CDC42BPA: variants seen among roughly 807,000 people sequenced by gnomAD.
CDC42BPA encodes serine/threonine-protein kinase MRCK alpha.
Under a neutral mutation model 223.5 loss-of-function variants are expected in CDC42BPA, and 80 were observed. The observed-to-expected ratio is 0.36, with a 90% CI of 0.30 to 0.43. The LOEUF (loss-of-function observed/expected upper bound fraction) is 0.43. Ranked by LOEUF, CDC42BPA falls within the 20% of genes least tolerant of loss-of-function variation. The probability of loss-of-function intolerance (pLI) is 1.00; values close to 1 mark genes in which losing one functional copy is unlikely to be tolerated. For missense variants in CDC42BPA, 1,743 were observed against 2,099.9 expected, an observed-to-expected ratio of 0.83 and a Z score of 3.32; for synonymous variants, 694 against 718.6, an observed-to-expected ratio of 0.97 and a Z score of 0.55.
chr1:227,159,667 G>A (rs1371684317), intron 6 of CDC42BPA, among the ~76,000 whole-genome samples: 2 of 149,334 alleles, frequency 1.3e-5, no homozygotes, highest in Non-Finnish European at 3.0e-5. Context: ...AAAAAAAACA[G>A]AATAAAACTG....
chr1:227,254,853 T>C (rs1682775824), intron 1 of CDC42BPA, among the ~76,000 whole-genome samples: 1 of 152,168 alleles, frequency 6.6e-6, no homozygotes, highest in South Asian at 2.1e-4. Flanking sequence ...CCTTGAGGAC[T>C]AAATAGAATC....
chr1:227,143,972 TAA>T (rs1440228825), intron 8 of CDC42BPA, among the ~76,000 whole-genome samples: 1 of 152,202 alleles, frequency 6.6e-6, no homozygotes, highest in Non-Finnish European at 1.5e-5. Flanking sequence ...AAAAAATTGG[TAA>T]GAGAAGTCAG....
intron 1 of CDC42BPA, chr1:227,265,199 C>T: frequency 1.6e-6 from 1 of 620,982 alleles, no homozygotes; most frequent in Non-Finnish European, 3.0e-6. Flanking sequence ...CCAAAGCGTG[C>T]TAAAAGTGCA....
rs114494015 is a variant in CDC42BPA, at chr1:227,274,571, A to C, written c.179-20416T>G. Among the ~76,000 whole-genome samples the C allele has an allele frequency of 4.3e-3, 649 of 152,304 alleles. 6 individuals are homozygous for C. The highest frequency in any genetic ancestry group is 0.015 in the African/African-American group (629 of 41,576). ...AAAGCTTTTTAAATGGTAGAAATAT[A>C]TCCAAATAAATCTGTATTTATAATA... On this transcript the variant is annotated intron_variant, in intron 1 of 36. Coordinates refer to ENST00000366766, the MANE Select transcript of CDC42BPA (RefSeq NM_001394014.1).
chr1:227,145,854 T>A, intron 7 of CDC42BPA, 117 bp from the exon 8 acceptor site: 1 of 763,542 alleles, frequency 1.3e-6, no homozygotes, highest in Non-Finnish European at 2.0e-6. Context: ...AATAACTGCA[T>A]GTTGGTGCAA....
chr1:227,107,682 T>C (rs1341318798), intron 14 of CDC42BPA, among the ~76,000 whole-genome samples: 1 of 152,336 alleles, frequency 6.6e-6, no homozygotes, highest in Non-Finnish European at 1.5e-5. Context: ...AGGTGGCCTG[T>C]CTTTTTTTAA....
intron 1 of CDC42BPA, among the ~76,000 whole-genome samples, chr1:227,272,863 T>G (rs1350015293): frequency 6.6e-6 from 1 of 152,238 alleles, no homozygotes; most frequent in Non-Finnish European, 1.5e-5. Context: ...TCAGAAAAAG[T>G]TGACTGCAAA....
At chr1:227,178,598 T>G (rs1339678880) in intron 5 of CDC42BPA, among the ~76,000 whole-genome samples, 1 of 152,132 alleles carries the variant, frequency 6.6e-6, no homozygotes, top group African/African-American at 2.4e-5. Context: ...CGGATTCAAG[T>G]GATTCTCCTG....
intron 17 of CDC42BPA, among the ~76,000 whole-genome samples, chr1:227,075,874 G>A (rs1490787099): frequency 1.3e-5 from 2 of 152,154 alleles, no homozygotes; most frequent in African/African-American, 4.8e-5. Context: ...CCAAGAAACT[G>A]TGAAGTCCAA....
At chr1:227,193,282 G>C (rs530806045) in intron 5 of CDC42BPA, among the ~76,000 whole-genome samples, 32 of 151,694 alleles carry the variant, frequency 2.1e-4, no homozygotes, top group Non-Finnish European at 3.4e-4. Flanking sequence ...CCGTGGTCTC[G>C]ATCTCCTGAC....
At chr1:227,034,330 T>C (rs922555131) in intron 26 of CDC42BPA, among the ~76,000 whole-genome samples, 13 of 152,182 alleles carry the variant, frequency 8.5e-5, no homozygotes, top group African/African-American at 1.7e-4. Context: ...TTTCCTCACA[T>C]TGAAATTATA....
chr1:227,213,229 A>T lies in CDC42BPA; in HGVS notation c.271-10T>A. 7.6e-7 allele frequency: 1 copy of T among 1,315,682 alleles called. No individual in the cohort carries two copies. Among genetic ancestry groups the T allele is most frequent in the East Asian group, 2.3e-5 (1 of 42,626 alleles). 81.5% of individuals were successfully genotyped at this position (1,315,682 alleles called of 1,614,324 possible). A position where few individuals can be genotyped will look rare whatever the true frequency, so the allele number is the denominator to read the frequency against. On this transcript the variant is annotated splice_polypyrimidine_tract_variant and intron_variant, in intron 2 of 36. Transcript: ENST00000366766. Reference sequence around the variant, plus strand: ...GTTTTACTACAGCAACCTAGAAAAGATAAAGGAAATATAAATTTTAAAATA... The same window carrying T: ...GTTTTACTACAGCAACCTAGAAAAGTTAAAGGAAATATAAATTTTAAAATA...
chr1:227,274,171 G>C (rs1572784388), intron 1 of CDC42BPA, among the ~76,000 whole-genome samples: 1 of 151,974 alleles, frequency 6.6e-6, no homozygotes, highest in Non-Finnish European at 1.5e-5. Context: ...TCATGAATAG[G>C]GTAGTAGAGA....
intron 34 of CDC42BPA, among the ~76,000 whole-genome samples, chr1:227,013,606 T>C (rs977616690): frequency 2.6e-5 from 4 of 152,122 alleles, no homozygotes; most frequent in African/African-American, 9.6e-5. Flanking sequence ...TAACATTCTG[T>C]TAAACACTGT....
Position 227,281,422 on chromosome 1 carries a change from T to A in CDC42BPA, c.179-27267A>T, listed in dbSNP as rs530521986. ...GGCCCAGTTCTCCAACCTGTACAAC[T>A]GCCAGCCCCATTCCAGGTCCTGTGA... is the stretch of plus-strand genomic sequence containing the variant. On this transcript the variant is annotated intron_variant, in intron 1 of 36. Coordinates refer to ENST00000366766, the MANE Select transcript of CDC42BPA (RefSeq NM_001394014.1). 3.9e-5 allele frequency among the ~76,000 whole-genome samples: 6 copies of A among 152,244 alleles called. No homozygotes were observed. The South Asian group carries it at 1.0e-3, about 26-fold the overall frequency.
In CDC42BPA at chr1:227,000,093, TATAATAATAATAATAATAATA is replaced by T. The variant is rs10605581; in HGVS notation, c.4975+4880_4975+4900del. 2.1e-4 allele frequency among the ~76,000 whole-genome samples: 27 copies of T among 130,666 alleles called. 1 individual carries two copies. Among genetic ancestry groups the T allele is most frequent in the East Asian group, 6.3e-4 (3 of 4,732 alleles). The allele number at this position is 130,666 out of a possible 152,430, so 85.7% of individuals were successfully genotyped here. On this transcript the variant is annotated intron_variant, in intron 35 of 36. Coordinates refer to ENST00000366766, the MANE Select transcript of CDC42BPA (RefSeq NM_001394014.1). Reference sequence around the variant, plus strand: ...TACACATGTATCCCAGAACTTAAAGTATAATAATAATAATAATAATAATAATAATAATAATAATAATAAGCT... The same window carrying T: ...TACACATGTATCCCAGAACTTAAAGTATAATAATAATAATAATAATAAGCT...
At chr1:227,260,573 T>C (rs1359534616) in intron 1 of CDC42BPA, among the ~76,000 whole-genome samples, 1 of 150,534 alleles carries the variant, frequency 6.6e-6, no homozygotes, top group African/African-American at 2.5e-5. Context: ...AAGTGTCCAA[T>C]AGAAAGAGAG....
At chr1:227,079,894 C>T (rs140298667) in intron 17 of CDC42BPA, among the ~76,000 whole-genome samples, 14 of 151,524 alleles carry the variant, frequency 9.2e-5, no homozygotes, top group African/African-American at 3.1e-4. Context: ...CCTGAATATA[C>T]ATAATGAGAT....
intron 16 of CDC42BPA, among the ~76,000 whole-genome samples, chr1:227,082,705 ACT>A (rs144116146): frequency 0.011 from 1,224 of 110,656 alleles, 22 homozygotes; most frequent in African/African-American, 0.041. Flanking sequence ...ACAGAATGAG[ACT>A]CTGTCTCAAA....
Sources: gnomAD v4.1 joint callset for allele counts (sites outside exome capture counted in the v4.1 genomes callset) on GRCh38, gnomAD v4.1.1 for gene constraint, MANE v1.5 for transcripts, NCBI Gene and HGNC (gene_info 2026-07-23, HGNC 2026-07-21) for gene names.